Variants in TRPM1 observed in about 807,000 individuals in gnomAD.
TRPM1 encodes transient receptor potential cation channel subfamily M member 1, also known as TRPM1-203 APA Isoform, Intron 10.
In TRPM1, 113 loss-of-function variants were observed where a neutral mutation model predicts 149.4. That is an observed-to-expected ratio of 0.76 (90% CI 0.65 to 0.88). The LOEUF (loss-of-function observed/expected upper bound fraction) is 0.88. TRPM1 is among the 40% of genes least tolerant of loss of function. The pLI is 0.00. For synonymous variants in TRPM1, 741 were observed against 759.5 expected, an observed-to-expected ratio of 0.98 and a Z score of 0.40; for missense variants, 1,976 against 2,038.7, an observed-to-expected ratio of 0.97 and a Z score of 0.59.
chr15:31,069,386 A>C (rs1048966422), intron 4 of TRPM1: 3 of 986,006 alleles, frequency 3.0e-6, no homozygotes, highest in East Asian at 2.2e-4. Flanking sequence ...TGTATATTGC[A>C]GCATTTGGAA....
chr15:31,084,514 C>G (rs1427581833), intron 1 of TRPM1, among the ~76,000 whole-genome samples: 1 of 152,130 alleles, frequency 6.6e-6, no homozygotes. Context: ...TTTCAAGGGT[C>G]ATCCAGGTAG....
intron 1 of TRPM1, among the ~76,000 whole-genome samples, chr15:31,128,221 C>T (rs2035975365): frequency 6.6e-6 from 1 of 152,178 alleles, no homozygotes; most frequent in Non-Finnish European, 1.5e-5. Context: ...GCAATATTTA[C>T]AGTATTCAAC....
intron 1 of TRPM1, among the ~76,000 whole-genome samples, chr15:31,109,333 C>CAAAAAAAAAAA (rs36072024): frequency 6.2e-5 from 2 of 32,302 alleles, no homozygotes; most frequent in Non-Finnish European, 1.2e-4. Flanking sequence ...GACTCTGCCT[C>CAAAAAAAAAAA]AAAAAAAAAA....
intron 15 of TRPM1, 116 bp from the exon 16 acceptor site, chr15:31,046,349 C>A: frequency 1.1e-6 from 1 of 925,686 alleles, no homozygotes; most frequent in South Asian, 1.4e-5. Flanking sequence ...CACTTTGTAT[C>A]ATTAACAATT....
At chr15:31,121,161 T>A (rs1164979809) in intron 1 of TRPM1, among the ~76,000 whole-genome samples, 1 of 144,018 alleles carries the variant, frequency 6.9e-6, no homozygotes, top group Non-Finnish European at 1.5e-5. Context: ...AGGAGGCAGA[T>A]GTTGCAGTGA....
intron 1 of TRPM1, 56 bp from the exon 2 acceptor site, chr15:31,081,494 G>A: frequency 8.8e-7 from 1 of 1,133,612 alleles, no homozygotes; most frequent in Non-Finnish European, 1.3e-6. Flanking sequence ...TCTTTCTTGG[G>A]AAGCAAGATG....
At position 31,027,103 on chromosome 15, in the gene TRPM1, TC is replaced by T; in HGVS notation, c.3307del (p.Glu1103LysfsTer2). 1 of 1,614,148 alleles carries T rather than the reference TC, an allele frequency of 6.2e-7. No individual in the cohort carries two copies. The highest frequency in any genetic ancestry group is 8.5e-7 in the Non-Finnish European group (1 of 1,180,022). On this transcript the variant is annotated frameshift_variant, in exon 26 of 28. Coordinates refer to ENST00000256552, the MANE Select transcript of TRPM1 (RefSeq NM_001252024.2). LOFTEE classifies it high-confidence loss of function. Reference protein sequence around the residue: ...LIAVFNNTFFEVKSISNQVWK... With the variant: ...LIAVFNNTFFXVKSISNQVWK... Reference sequence around the variant, plus strand: ...CACCTGGTTGGATATTGATTTTACTTCAAAGAAGGTATTGCTTTAAAAAGAA... The same window carrying T: ...CACCTGGTTGGATATTGATTTTACTTAAAGAAGGTATTGCTTTAAAAAGAA...
chr15:31,071,264 G>A (rs2034528560), intron 3 of TRPM1, among the ~76,000 whole-genome samples: 1 of 152,210 alleles, frequency 6.6e-6, no homozygotes, highest in South Asian at 2.1e-4. Context: ...ATCCAGGGAA[G>A]GCATGGAGGG....
chr15:31,093,892 G>A (rs557800043), intron 1 of TRPM1, among the ~76,000 whole-genome samples: 2 of 152,030 alleles, frequency 1.3e-5, no homozygotes, highest in African/African-American at 4.8e-5. Flanking sequence ...CATGATCCCC[G>A]CACATGGCCG....
At chr15:31,109,728 G>T (rs2035659687) in intron 1 of TRPM1, among the ~76,000 whole-genome samples, 1 of 151,892 alleles carries the variant, frequency 6.6e-6, no homozygotes, top group African/African-American at 2.4e-5. Flanking sequence ...AGGAGTAATG[G>T]GGCTTCAAAC....
chr15:31,130,156 C>T (rs1020807764), intron 1 of TRPM1, among the ~76,000 whole-genome samples: 10 of 152,194 alleles, frequency 6.6e-5, no homozygotes, highest in African/African-American at 1.7e-4. Context: ...GGGTTAATGC[C>T]GGGTGCATTG....
At chr15:31,132,783 T>C (rs1473627188) in intron 1 of TRPM1, among the ~76,000 whole-genome samples, 3 of 152,166 alleles carry the variant, frequency 2.0e-5, no homozygotes, top group African/African-American at 7.2e-5. Context: ...TGGGCGGGTT[T>C]TTCCTGCGCT....
chr15:31,038,228 T>TA, intron 18 of TRPM1, 62 bp from the exon 19 acceptor site: 1 of 1,580,600 alleles, frequency 6.3e-7, no homozygotes, highest in South Asian at 1.1e-5. Context: ...CCAGCATAGT[T>TA]AAAATTTTTA....
intron 3 of TRPM1, among the ~76,000 whole-genome samples, chr15:31,076,342 T>G (rs1194181752): frequency 6.6e-6 from 1 of 152,216 alleles, no homozygotes; most frequent in Non-Finnish European, 1.5e-5. Flanking sequence ...TCCCCCAGAC[T>G]CAGCCTCATA....
intron 7 of TRPM1, chr15:31,065,139 T>C (rs761979175): frequency 1.9e-6 from 1 of 534,070 alleles, no homozygotes; most frequent in Non-Finnish European, 3.8e-6. Context: ...CATGGCCAGG[T>C]GAAATGGGGT....
chr15:31,137,407 T>C (rs796715), intron 1 of TRPM1, among the ~76,000 whole-genome samples: 20,590 of 152,160 alleles, frequency 0.14, 1,479 homozygotes, highest in South Asian at 0.17. Context: ...CAGATATTCT[T>C]AAAAGTGGCA....
intron 21 of TRPM1, among the ~76,000 whole-genome samples, chr15:31,034,364 T>C (rs934574517): frequency 6.6e-6 from 1 of 152,212 alleles, no homozygotes; most frequent in African/African-American, 2.4e-5. Context: ...GCCCCTCCCA[T>C]ATCCCCTGGA....
At chr15:31,098,108 T>C (rs2141011449) in intron 1 of TRPM1, among the ~76,000 whole-genome samples, 1 of 152,328 alleles carries the variant, frequency 6.6e-6, no homozygotes, top group South Asian at 2.1e-4. Context: ...CTGTGGCGCG[T>C]GTGCTATTTC....
At chr15:31,025,767 G>A (rs963728408) in intron 27 of TRPM1, among the ~76,000 whole-genome samples, 1 of 152,206 alleles carries the variant, frequency 6.6e-6, no homozygotes, top group Non-Finnish European at 1.5e-5. Flanking sequence ...GATGAGGAGG[G>A]CAGTCCCCTG....
Sources: allele counts gnomAD v4.1 joint callset (sites outside exome capture counted in the v4.1 genomes callset), GRCh38; gene constraint gnomAD v4.1.1; transcripts MANE v1.5; gene names NCBI Gene and HGNC (gene_info 2026-07-23, HGNC 2026-07-21).